PIP5K1B: variants seen among roughly 807,000 people sequenced by gnomAD.
The protein encoded by PIP5K1B is phosphatidylinositol-4-phosphate 5-kinase type 1 beta.
In PIP5K1B, 42 loss-of-function variants were observed where a neutral mutation model predicts 67.0. The ratio of observed to expected loss-of-function variants is 0.63; its 90% CI spans 0.49 to 0.81. The LOEUF (loss-of-function observed/expected upper bound fraction) is 0.81, where lower values mean the gene tolerates loss of function less well. Among genes scored for constraint, PIP5K1B ranks in the 30% least tolerant of loss-of-function variants. The pLI, the probability that PIP5K1B is intolerant of heterozygous loss-of-function variation, is 0.00. For missense variants in PIP5K1B, 459 were observed against 646.3 expected, an observed-to-expected ratio of 0.71 and a Z score of 3.14; for synonymous variants, 214 against 231.4, an observed-to-expected ratio of 0.92 and a Z score of 0.68.
chr9:68,891,455 TAA>T (rs1276516729), intron 7 of PIP5K1B, among the ~76,000 whole-genome samples: 1 of 150,486 alleles, frequency 6.6e-6, no homozygotes, highest in African/African-American at 2.4e-5. Flanking sequence ...TTTTTTTTTT[TAA>T]AAAATGATAA....
chr9:69,008,201 C>T (rs1398501039), intron 15 of PIP5K1B, among the ~76,000 whole-genome samples: 1 of 152,120 alleles, frequency 6.6e-6, no homozygotes, highest in South Asian at 2.1e-4. Flanking sequence ...TTCCAAGTCC[C>T]GAGCACAGTG....
intron 6 of PIP5K1B, among the ~76,000 whole-genome samples, chr9:68,886,180 A>G (rs1448613312): frequency 6.6e-6 from 1 of 150,444 alleles, no homozygotes. Context: ...CTCCGTCTGA[A>G]AAAAAAAAAA....
At chr9:68,781,044 ACTTT>A in intron 2 of PIP5K1B, 2 of 1,602,834 alleles carry the variant, frequency 1.2e-6, no homozygotes, top group African/African-American at 2.7e-5. Context: ...TCATCCTGAG[ACTTT>A]CTTTTTGCAG....
intron 4 of PIP5K1B, among the ~76,000 whole-genome samples, chr9:68,841,165 TAAG>T (rs1268624618): frequency 2.6e-5 from 4 of 152,224 alleles, no homozygotes; most frequent in Non-Finnish European, 4.4e-5. Context: ...CTTACATAAA[TAAG>T]AAATCACTTT....
chr9:68,829,231 C>G (rs1284583410), intron 4 of PIP5K1B, among the ~76,000 whole-genome samples: 4 of 152,222 alleles, frequency 2.6e-5, no homozygotes, highest in African/African-American at 9.6e-5. Flanking sequence ...AGTGTGTTCT[C>G]TGTCCTGACC....
intron 8 of PIP5K1B, among the ~76,000 whole-genome samples, chr9:68,899,236 C>T (rs1825241178): frequency 6.6e-6 from 1 of 152,182 alleles, no homozygotes; most frequent in South Asian, 2.1e-4. Context: ...CAGGACTACT[C>T]AGGGATCAGT....
At chr9:68,845,837 T>C (rs1370617175) in intron 4 of PIP5K1B, among the ~76,000 whole-genome samples, 1 of 152,200 alleles carries the variant, frequency 6.6e-6, no homozygotes, top group Non-Finnish European at 1.5e-5. Flanking sequence ...ATATTCAAAA[T>C]TATCCCCCAC....
intron 6 of PIP5K1B, among the ~76,000 whole-genome samples, chr9:68,878,966 T>G (rs900066289): frequency 3.3e-5 from 5 of 152,110 alleles, no homozygotes; most frequent in Non-Finnish European, 5.9e-5. Context: ...GAAAGGACAT[T>G]TAGTGGACCA....
At chr9:68,844,597 G>T (rs1054972372) in intron 4 of PIP5K1B, among the ~76,000 whole-genome samples, 1 of 135,228 alleles carries the variant, frequency 7.4e-6, no homozygotes, top group Non-Finnish European at 1.5e-5. Context: ...GAGATCCAGT[G>T]GGGGAGATCC....
At chr9:68,792,526 T>C (rs1320933656) in intron 2 of PIP5K1B, among the ~76,000 whole-genome samples, 2 of 152,042 alleles carry the variant, frequency 1.3e-5, no homozygotes, top group Non-Finnish European at 2.9e-5. Context: ...GTCGCCCAGG[T>C]TGGAGTGCAG....
chr9:68,930,225 G>T (rs746256402), intron 12 of PIP5K1B, among the ~76,000 whole-genome samples: 13 of 152,042 alleles, frequency 8.6e-5, no homozygotes, highest in Non-Finnish European at 1.8e-4. Context: ...CAAGGGTTCA[G>T]TTACCATCTG....
chr9:68,951,663 T>C (rs1828073523), intron 14 of PIP5K1B, among the ~76,000 whole-genome samples: 1 of 152,192 alleles, frequency 6.6e-6, no homozygotes, highest in African/African-American at 2.4e-5. Context: ...AGAGGGAACT[T>C]TGGCCATCAT....
At chr9:68,739,138 A>G (rs1312126577) in intron 1 of PIP5K1B, among the ~76,000 whole-genome samples, 1 of 152,170 alleles carries the variant, frequency 6.6e-6, no homozygotes, top group Non-Finnish European at 1.5e-5. Flanking sequence ...CTTTATGACC[A>G]TTTAATTTTG....
At chr9:68,885,418 T>C (rs1340989976) in intron 6 of PIP5K1B, among the ~76,000 whole-genome samples, 1 of 152,230 alleles carries the variant, frequency 6.6e-6, no homozygotes, top group Admixed American at 6.5e-5. Context: ...ACAGTTAATG[T>C]ATATCTTTCT....
At chr9:68,740,115 A>C (rs770373121) in intron 1 of PIP5K1B, among the ~76,000 whole-genome samples, 1 of 152,186 alleles carries the variant, frequency 6.6e-6, no homozygotes, top group Non-Finnish European at 1.5e-5. Flanking sequence ...AGATAAAGGG[A>C]GCAAAACAGA....
chr9:68,770,709 G>A (rs900389902), intron 2 of PIP5K1B, among the ~76,000 whole-genome samples: 5 of 152,146 alleles, frequency 3.3e-5, no homozygotes, highest in African/African-American at 1.2e-4. Flanking sequence ...CACTCCACAT[G>A]AGAAGCTAAT....
chr9:68,942,298 C>T (rs890280451), intron 14 of PIP5K1B, among the ~76,000 whole-genome samples: 1 of 152,156 alleles, frequency 6.6e-6, no homozygotes, highest in Non-Finnish European at 1.5e-5. Context: ...GCAGGAAGTT[C>T]TTAGCAAGGT....
chr9:68,711,827 C>T (rs1827408302), intron 1 of PIP5K1B, among the ~76,000 whole-genome samples: 1 of 152,132 alleles, frequency 6.6e-6, no homozygotes, highest in African/African-American at 2.4e-5. Flanking sequence ...GCGTAGTTCT[C>T]AAATGCCCAG....
intron 5 of PIP5K1B, among the ~76,000 whole-genome samples, chr9:68,869,243 T>C (rs1250912083): frequency 6.6e-6 from 1 of 152,140 alleles, no homozygotes; most frequent in Non-Finnish European, 1.5e-5. Context: ...AAGGGCGAGC[T>C]CCGCCTCCTG....
Sources: allele counts gnomAD v4.1 joint callset (sites outside exome capture counted in the v4.1 genomes callset), GRCh38; gene constraint gnomAD v4.1.1; transcripts MANE v1.5; gene names NCBI Gene and HGNC (gene_info 2026-07-23, HGNC 2026-07-21).